SRRM3: variants seen among roughly 807,000 people sequenced by gnomAD.
SRRM3 encodes the protein serine/arginine repetitive matrix 3, also known as serine/arginine repetitive matrix protein 3.
Under a neutral mutation model 66.2 loss-of-function variants are expected in SRRM3, and 27 were observed. That is an observed-to-expected ratio of 0.41 (90% confidence interval 0.30 to 0.56). The LOEUF (loss-of-function observed/expected upper bound fraction) is 0.56, where lower values mean the gene tolerates loss of function less well. SRRM3 is among the 20% of genes least tolerant of loss of function. The probability of loss-of-function intolerance (pLI) is 0.32; values close to 1 mark genes in which losing one functional copy is unlikely to be tolerated. For synonymous variants in SRRM3, 391 were observed against 414.9 expected (o/e 0.94, Z 0.70); for missense variants, 918 against 991.9 (o/e 0.93, Z 1.00).
At chr7:76,284,388 G>A (rs1040080615) in intron 14 of SRRM3, among the ~76,000 whole-genome samples, 2 of 152,042 alleles carry the variant, frequency 1.3e-5, no homozygotes, top group African/African-American at 2.4e-5. Flanking sequence ...ATGTTAGTCA[G>A]GCTGGTCTCA....
chr7:76,231,290 T>C (rs1157530462), intron 1 of SRRM3, among the ~76,000 whole-genome samples: 1 of 152,170 alleles, frequency 6.6e-6, no homozygotes, highest in Non-Finnish European at 1.5e-5. Context: ...AAATCCAGAC[T>C]GCATCTGCCA....
intron 1 of SRRM3, among the ~76,000 whole-genome samples, chr7:76,227,700 G>A (rs1473152162): frequency 2.0e-5 from 3 of 152,154 alleles, no homozygotes; most frequent in Non-Finnish European, 4.4e-5. Flanking sequence ...CCATGATGGG[G>A]TCATGTTCAT....
intron 1 of SRRM3, among the ~76,000 whole-genome samples, chr7:76,217,354 T>C (rs1800594043): frequency 2.0e-5 from 3 of 152,154 alleles, no homozygotes. Context: ...GTGTAATCTC[T>C]GCCCACTGCA....
chr7:76,281,676 C>T lies in SRRM3; in HGVS notation c.1244C>T (p.Pro415Leu). The change falls in exon 12 of 15, where the codon CCC becomes CTC. Residue 415 changes from proline to leucine, a missense_variant. Coordinates refer to ENST00000611745, the MANE Select transcript of SRRM3 (RefSeq NM_001110199.3). Reference protein sequence around the residue: ...RRGRRRPRPAPPRGSSRSLSR... With the variant: ...RRGRRRPRPALPRGSSRSLSR... ...GGTCGCCGGCGCCCCCGGCCCGCGC[C>T]CCCCCGGGGCTCGTCGCGCTCGCTC... The T allele has an allele frequency of 1.0e-6, 1 of 996,694 alleles. No homozygotes were observed. The highest frequency in any genetic ancestry group is 1.2e-6 in the Non-Finnish European group (1 of 837,856). The allele number at this position is 996,694 out of a possible 1,614,324, so 61.7% of individuals were successfully genotyped here. A position where few individuals can be genotyped will look rare whatever the true frequency, so the allele number is the denominator to read the frequency against.
chr7:76,236,365 G>A (rs2117000375), intron 2 of SRRM3, among the ~76,000 whole-genome samples: 1 of 145,572 alleles, frequency 6.9e-6, no homozygotes, highest in South Asian at 2.2e-4. Context: ...TGCTGAAGGG[G>A]TCAAAGTCAG....
chr7:76,248,254 A>T lies in SRRM3; in HGVS notation c.300A>T (p.Gly100=), dbSNP rs375291217. ...TFRQMLMEKE[G]VLTREDRPGG... is the part of the protein sequence containing the mutation. Reference sequence around the variant, plus strand: ...GGCAGATGCTGATGGAGAAGGAGGGAGTGCTCACCAGGGAGGACCGGCCTG... The same window carrying T: ...GGCAGATGCTGATGGAGAAGGAGGGTGTGCTCACCAGGGAGGACCGGCCTG... Residue 100 remains glycine (G), a synonymous_variant, in exon 3 of 15, where the codon GGA becomes GGT. Coordinates refer to ENST00000611745, the MANE Select transcript of SRRM3 (RefSeq NM_001110199.3). The T allele has an allele frequency of 1.1e-4, 171 of 1,613,620 alleles. No homozygotes were observed. The highest frequency in any genetic ancestry group is 1.4e-4 in the Non-Finnish European group (161 of 1,179,852).
chr7:76,285,766 A>C lies in SRRM3; in HGVS notation c.1885A>C (p.Ser629Arg). Reference protein sequence around the residue: ...SYSSRSHGTRSRTRSPSRTPS... With the variant: ...SYSSRSHGTRRRTRSPSRTPS... ...CAGCAGTCGCAGCCATGGGACCCGCAGCCGGACACGCAGCCCCTCGAGGAC... is the reference window on the plus strand; with the variant it reads ...CAGCAGTCGCAGCCATGGGACCCGCCGCCGGACACGCAGCCCCTCGAGGAC... The change falls in exon 15 of 15, where the codon AGC (serine) becomes CGC (arginine). Residue 629 changes from serine to arginine, a missense_variant. By Grantham distance (110) the Ser-to-Arg change is moderately radical (BLOSUM62 -1). Coordinates refer to ENST00000611745, the MANE Select transcript of SRRM3 (RefSeq NM_001110199.3). This position sits in a 1 kb window ranked among gnomAD's most constrained non-coding sequence, Gnocchi z 4.1. 1 of 1,550,888 alleles carries C rather than the reference A, an allele frequency of 6.4e-7. No homozygotes were observed. The highest frequency in any genetic ancestry group is 8.7e-7 in the Non-Finnish European group (1 of 1,147,042).
rs1430627029 is a variant in SRRM3, at chr7:76,229,807, G to A, written c.-39-5221G>A. Among the ~76,000 whole-genome samples, 14 of 148,828 alleles carry A rather than the reference G, an allele frequency of 9.4e-5. No homozygotes were observed. The Admixed American group carries it at 9.5e-4, about 10-fold the overall frequency. The stretch of plus-strand genomic sequence containing the variant: ...TGCCCAGGCTGGAGTGCAGTGGTGC[G>A]ATCTCGGCTCACTGCAATCTCTGCC... On this transcript the variant is annotated intron_variant, in intron 1 of 14. Transcript: ENST00000611745.
Position 76,282,763 on chromosome 7 carries a change from C to T in SRRM3, c.1486C>T (p.Pro496Ser), listed in dbSNP as rs1181824199. Residue 496 changes from proline (P) to serine (S), a missense_variant, in exon 13 of 15, where the codon CCC becomes TCC. Coordinates refer to ENST00000611745, the MANE Select transcript of SRRM3 (RefSeq NM_001110199.3). Reference sequence around the variant, plus strand: ...CTCGTCGCGCAGCCCCGGCCCGCACCCCCGCTCCTGGAGCTCCAGCCGCTC... The same window carrying T: ...CTCGTCGCGCAGCCCCGGCCCGCACTCCCGCTCCTGGAGCTCCAGCCGCTC... ...KSSSRSPGPHPRSWSSSRSPS... is the reference protein window; with the variant it reads ...KSSSRSPGPHSRSWSSSRSPS... 1 of 1,465,304 alleles carries T rather than the reference C, an allele frequency of 6.8e-7. No individual in the cohort carries two copies. The highest frequency in any genetic ancestry group is 1.3e-5 in the South Asian group (1 of 77,432). 90.8% of individuals were successfully genotyped at this position (1,465,304 alleles called of 1,614,324 possible). A position where few individuals can be genotyped will look rare whatever the true frequency, so the allele number is the denominator to read the frequency against.
chr7:76,203,240 G>A (rs1304226220), intron 1 of SRRM3, among the ~76,000 whole-genome samples: 1 of 152,184 alleles, frequency 6.6e-6, no homozygotes, highest in Non-Finnish European at 1.5e-5. Flanking sequence ...GGGTGGAGGA[G>A]GTATTCTTGA....
At chr7:76,278,011 A>T (rs1161881281) in intron 11 of SRRM3, among the ~76,000 whole-genome samples, 1 of 152,226 alleles carries the variant, frequency 6.6e-6, no homozygotes, top group Non-Finnish European at 1.5e-5. Flanking sequence ...ATAGGACAGA[A>T]ACTGCAAATA....
intron 1 of SRRM3, among the ~76,000 whole-genome samples, chr7:76,210,243 GC>G: frequency 6.6e-6 from 1 of 152,240 alleles, no homozygotes; most frequent in East Asian, 1.9e-4. Flanking sequence ...TTCAAGACTG[GC>G]AGAACCTCCA....
rs1554612701 is a variant in SRRM3 at position 76,285,730 on chromosome 7, C to T, written c.1849C>T (p.His617Tyr). The T allele has an allele frequency of 1.3e-6, 2 of 1,550,582 alleles. No individual in the cohort carries two copies. The highest frequency in any genetic ancestry group is 2.0e-5 in the Admixed American group (1 of 50,988). Residue 617 changes from histidine (H) to tyrosine (Y), a missense_variant, in exon 15 of 15, where the codon CAC becomes TAC. Coordinates refer to ENST00000611745, the MANE Select transcript of SRRM3 (RefSeq NM_001110199.3). The surrounding 1 kb of genome is among the most constrained non-coding windows in gnomAD (Gnocchi z 4.1). ...HSRSPSPGHSHGSYSSRSHGT... is the reference protein window; with the variant it reads ...HSRSPSPGHSYGSYSSRSHGT... ...CCGCAGCCCCAGCCCCGGCCACAGC[C>T]ACGGGAGCTACAGCAGTCGCAGCCA...
chr7:76,215,979 T>TG (rs1240299207), intron 1 of SRRM3, among the ~76,000 whole-genome samples: 2 of 151,196 alleles, frequency 1.3e-5, no homozygotes, highest in Admixed American at 1.3e-4. Context: ...TTTTTTTTTT[T>TG]TGTATTTTTA....
intron 3 of SRRM3, among the ~76,000 whole-genome samples, chr7:76,252,073 AAAAT>A (rs1801594337): frequency 2.0e-5 from 3 of 152,200 alleles, no homozygotes; most frequent in Non-Finnish European, 2.9e-5. Context: ...TCTGTCTCAA[AAAAT>A]AAATAAAAAC....
At chr7:76,242,421 G>T (rs1206297445) in intron 2 of SRRM3, among the ~76,000 whole-genome samples, 2 of 151,166 alleles carry the variant, frequency 1.3e-5, no homozygotes, top group Non-Finnish European at 2.9e-5. Context: ...GGAGATGGAG[G>T]TTGTGGTGAG....
At chr7:76,253,789 A>C (rs1554607284) in intron 3 of SRRM3, among the ~76,000 whole-genome samples, 1 of 70,010 alleles carries the variant, frequency 1.4e-5, no homozygotes, top group Non-Finnish European at 2.5e-5. Context: ...CTCTGTTTCA[A>C]AAAAAAAAAA....
At chr7:76,266,189 ATAAATATTTATATATTT>A (rs1802024545) in intron 10 of SRRM3, among the ~76,000 whole-genome samples, 2 of 93,618 alleles carry the variant, frequency 2.1e-5, no homozygotes, top group Non-Finnish European at 3.5e-5. Context: ...TTTAATATAT[ATAAATATTTATATATTT>A]AATATATATA....
intron 1 of SRRM3, among the ~76,000 whole-genome samples, chr7:76,208,197 G>A (rs1263760967): frequency 6.6e-6 from 1 of 152,144 alleles, no homozygotes; most frequent in Admixed American, 6.6e-5. Flanking sequence ...GGCGGTGAGG[G>A]CTTGGATCCA....
Sources: allele counts gnomAD v4.1 joint callset (sites outside exome capture counted in the v4.1 genomes callset), GRCh38; gene constraint gnomAD v4.1.1; non-coding constraint Gnocchi (gnomAD v3.1); transcripts MANE v1.5; gene names NCBI Gene and HGNC (gene_info 2026-07-23, HGNC 2026-07-21).